The following MTERF3 variants were observed in gnomAD, a reference collection of about 807,000 sequenced individuals.
MTERF3 encodes mitochondrial transcription termination factor 3.
In MTERF3, 40 loss-of-function variants were observed where a neutral mutation model predicts 40.5. The ratio of observed to expected loss-of-function variants is 0.99; its 90% CI spans 0.77 to 1.29. MTERF3 has a LOEUF of 1.29. Among genes scored for constraint, MTERF3 ranks in the 50% most tolerant of loss-of-function variants. The pLI, the probability that MTERF3 is intolerant of heterozygous loss-of-function variation, is 0.00. For synonymous variants in MTERF3, 158 were observed against 166.6 expected (o/e 0.95, Z 0.40); for missense variants, 452 against 478.2 (o/e 0.95, Z 0.51).
intron 7 of MTERF3, among the ~76,000 whole-genome samples, chr8:96,241,334 C>T (rs1383067600): frequency 6.6e-6 from 1 of 151,426 alleles, no homozygotes; most frequent in Non-Finnish European, 1.5e-5. Flanking sequence ...CACTTGAACC[C>T]GGGAGGCGGC....
chr8:96,256,618 G>T (rs1294909556), intron 3 of MTERF3, among the ~76,000 whole-genome samples: 2 of 152,106 alleles, frequency 1.3e-5, no homozygotes, highest in Admixed American at 6.5e-5. Context: ...TATATTAGGA[G>T]AATTGAAAAG....
At chr8:96,250,502 GGAGTTCGAGAACAGCCT>G (rs1485189836) in intron 4 of MTERF3, among the ~76,000 whole-genome samples, 1 of 144,558 alleles carries the variant, frequency 6.9e-6, no homozygotes, top group African/African-American at 2.5e-5. Flanking sequence ...CTTGAGGTCA[GGAGTTCGAGAACAGCCT>G]GGCCAATGTG....
intron 2 of MTERF3, 24 bp from the exon 3 acceptor site, chr8:96,257,138 G>A (rs752381326): frequency 6.2e-7 from 1 of 1,605,918 alleles, no homozygotes. Context: ...AAACAAATTA[G>A]TGCTCTAATA....
chr8:96,247,559 T>G (rs1235761275), intron 4 of MTERF3, among the ~76,000 whole-genome samples: 1 of 152,168 alleles, frequency 6.6e-6, no homozygotes, highest in East Asian at 1.9e-4. Context: ...TCAGGGAAGT[T>G]AAATAACTTG....
intron 5 of MTERF3, 60 bp downstream of exon 5, chr8:96,246,247 T>G: frequency 6.8e-7 from 1 of 1,460,334 alleles, no homozygotes; most frequent in Admixed American, 2.1e-5. Flanking sequence ...GAACATGAGA[T>G]CTATCAGCTA....
intron 6 of MTERF3, among the ~76,000 whole-genome samples, chr8:96,244,632 C>G (rs939255857): frequency 6.6e-6 from 1 of 152,090 alleles, no homozygotes; most frequent in Non-Finnish European, 1.5e-5. Flanking sequence ...AACTCCTGAC[C>G]TCAAGTGATC....
At chr8:96,258,722 G>A (rs539735158) in intron 1 of MTERF3, 22 bp from the exon 2 acceptor site, 9 of 1,462,500 alleles carry the variant, frequency 6.2e-6, no homozygotes, top group South Asian at 2.7e-5. Context: ...AGATATAACC[G>A]TCAAAAGAAG....
At chr8:96,250,716 A>G (rs547000360) in intron 4 of MTERF3, among the ~76,000 whole-genome samples, 190 bp downstream of exon 4, 44 of 109,446 alleles carry the variant, frequency 4.0e-4, no homozygotes, top group African/African-American at 1.9e-3. Flanking sequence ...GGAGGGGGAG[A>G]AGAAGAATGG....
In MTERF3 at chr8:96,239,999, G is replaced by A. The variant is rs137975608; in HGVS notation, c.1060-314C>T. 1.2e-3 allele frequency: 673 copies of A among 579,844 alleles called. 7 individuals carry two copies. The East Asian group carries it at 0.016, about 14-fold the overall frequency. The allele number at this position is 579,844 out of a possible 1,614,324, so 35.9% of individuals were successfully genotyped here. The stretch of plus-strand genomic sequence containing the variant: ...TCTTCGGCCGGGCGTGGTGGCTCAC[G>A]CCTTTAGTGAGGCTGAGGCAGGCGG... On this transcript the variant is annotated intron_variant, in intron 7 of 7. Coordinates refer to ENST00000287025, the MANE Select transcript of MTERF3 (RefSeq NM_015942.5).
intron 3 of MTERF3, among the ~76,000 whole-genome samples, chr8:96,253,962 T>C (rs541125960): frequency 2.6e-5 from 4 of 152,104 alleles, no homozygotes; most frequent in African/African-American, 7.2e-5. Context: ...GAGACAAGAC[T>C]GTGTCACTGC....
Position 96,243,873 on chromosome 8 carries a change from G to A in MTERF3, c.1059+46C>T, listed in dbSNP as rs757574668. On this transcript the variant is annotated intron_variant, in intron 7 of 7. Transcript: ENST00000287025. The stretch of plus-strand genomic sequence containing the variant: ...ATGCAGCTGGAGAGCAGCTCCAAAT[G>A]AAGCGCAATGGCAGCGCTTACAGAG... 3.8e-6 allele frequency: 6 copies of A among 1,582,152 alleles called. No homozygotes were observed. In the East Asian group the frequency reaches 1.1e-4, roughly 30 times the overall value.
At chr8:96,250,647 G>GAAAGAAAGAAAGAAAGAAAGAAAGA (rs1374036912) in intron 4 of MTERF3, among the ~76,000 whole-genome samples, 1 of 25,150 alleles carries the variant, frequency 4.0e-5, no homozygotes, top group East Asian at 7.1e-4. Context: ...AGAAGAAGAA[G>GAAAGAAAGAAAGAAAGAAAGAAAGA]AAGAAGAAGA....
At chr8:96,258,013 A>G (rs1219124610) in intron 2 of MTERF3, among the ~76,000 whole-genome samples, 2 of 152,256 alleles carry the variant, frequency 1.3e-5, no homozygotes, top group East Asian at 3.8e-4. Context: ...CAAAATTCAT[A>G]GAACTATATA....
chr8:96,248,860 C>G (rs915681042), intron 4 of MTERF3, among the ~76,000 whole-genome samples: 1 of 152,142 alleles, frequency 6.6e-6, no homozygotes, highest in Non-Finnish European at 1.5e-5. Flanking sequence ...CTGCATATAT[C>G]AGAACCAGAA....
rs556754333 is a variant in MTERF3 at position 96,257,326 on chromosome 8, T to C, written c.335-212A>G. ...TACTGTTCCTCTGAGATTAGAAATTTGTTGGTAAATTTCAAAGCACACAAT... is the reference window on the plus strand; with the variant it reads ...TACTGTTCCTCTGAGATTAGAAATTCGTTGGTAAATTTCAAAGCACACAAT... On this transcript the variant is annotated intron_variant, in intron 2 of 7. Transcript: ENST00000287025. 5.4e-4 allele frequency: 212 copies of C among 390,636 alleles called. 3 individuals carry two copies. The South Asian group carries it at 0.015, about 29-fold the overall frequency. The allele number at this position is 390,636 out of a possible 1,614,324, so 24.2% of individuals were successfully genotyped here. A position where few individuals can be genotyped will look rare whatever the true frequency, so the allele number is the denominator to read the frequency against.
Position 96,256,959 on chromosome 8 carries a change from TA to T in MTERF3, c.487+2del. On this transcript the variant is annotated splice_donor_variant, in intron 3 of 7. Coordinates refer to ENST00000287025, the MANE Select transcript of MTERF3 (RefSeq NM_015942.5). LOFTEE classifies it high-confidence loss of function. ...AAAGTACTTGTAGTTTAGTCAAACT[TA>T]CCTAGAAGAACCAACTTCTGCAGAG... 6.3e-7 allele frequency: 1 copy of T among 1,596,250 alleles called. No homozygotes were observed. Among genetic ancestry groups the T allele is most frequent in the East Asian group, 2.2e-5 (1 of 44,756 alleles).
At chr8:96,247,681 A>G (rs1810047105) in intron 4 of MTERF3, among the ~76,000 whole-genome samples, 1 of 152,170 alleles carries the variant, frequency 6.6e-6, no homozygotes, top group African/African-American at 2.4e-5. Flanking sequence ...TTACTTTATA[A>G]TCACATGACT....
chr8:96,258,655 A>C lies in MTERF3; in HGVS notation c.36T>G (p.Phe12Leu), dbSNP rs1469704673. The C allele has an allele frequency of 6.2e-7, 1 of 1,612,728 alleles. No homozygotes were observed. The highest frequency in any genetic ancestry group is 1.1e-5 in the South Asian group (1 of 91,052). Residue 12 changes from phenylalanine (F) to leucine (L), a missense_variant, in exon 2 of 8, where the codon TTT (phenylalanine) becomes TTG (leucine). Phe to Leu is a conservative substitution (Grantham distance 22). Transcript: ENST00000287025. ...TGAGGCTCCTCAACTTAACTGAGTT[A>C]AACCATCTGGGTATCTGTTGGGCTG... ...ALSAQQIPRW[F>L]NSVKLRSLIN...
intron 3 of MTERF3, among the ~76,000 whole-genome samples, chr8:96,254,849 T>C (rs2129936210): frequency 6.6e-6 from 1 of 152,286 alleles, no homozygotes; most frequent in South Asian, 2.1e-4. Context: ...AGTATACAAT[T>C]ATAATAGAGT....
Sources: allele counts gnomAD v4.1 joint callset (sites outside exome capture counted in the v4.1 genomes callset), GRCh38; gene constraint gnomAD v4.1.1; transcripts MANE v1.5; gene names NCBI Gene and HGNC (gene_info 2026-07-23, HGNC 2026-07-21).